Variants in GPC5 observed in about 807,000 individuals in gnomAD.
GPC5 encodes the protein glypican-5.
A neutral mutation model predicts 53.9 loss-of-function variants in GPC5; 47 were observed. That is an observed-to-expected ratio of 0.87 (90% CI 0.69 to 1.11). The LOEUF (loss-of-function observed/expected upper bound fraction) is 1.11. Among genes scored for constraint, GPC5 ranks in the 50% most tolerant of loss-of-function variants. GPC5 has a pLI of 0.00. For missense variants in GPC5, 748 were observed against 713.1 expected (o/e 1.05, Z -0.56); for synonymous variants, 286 against 263.3 (o/e 1.09, Z -0.84).
At chr13:92,571,601 A>C (rs534205758) in intron 7 of GPC5, among the ~76,000 whole-genome samples, 2 of 152,172 alleles carry the variant, frequency 1.3e-5, no homozygotes, top group African/African-American at 4.8e-5. Context: ...TAATATTACA[A>C]AAGTGCCTTT....
chr13:92,404,350 T>C (rs994864512), intron 7 of GPC5, among the ~76,000 whole-genome samples: 1 of 152,122 alleles, frequency 6.6e-6, no homozygotes, highest in African/African-American at 2.4e-5. Flanking sequence ...CTAGAAACAG[T>C]GCCAAGCACA....
chr13:91,434,158 T>C (rs1356222778), intron 1 of GPC5, among the ~76,000 whole-genome samples: 4 of 152,262 alleles, frequency 2.6e-5, no homozygotes, highest in Non-Finnish European at 5.9e-5. Context: ...GGTTGCCTGT[T>C]CAGGCTGATG....
chr13:92,366,410 G>A (rs1190644014), intron 7 of GPC5, among the ~76,000 whole-genome samples: 1 of 151,664 alleles, frequency 6.6e-6, no homozygotes, highest in Non-Finnish European at 1.5e-5. Context: ...TAGCAACTCA[G>A]TACTAGGAGG....
chr13:92,375,557 G>GT (rs1035261051), intron 7 of GPC5, among the ~76,000 whole-genome samples: 2 of 152,120 alleles, frequency 1.3e-5, no homozygotes, highest in African/African-American at 2.4e-5. Context: ...GTTTCTCGCT[G>GT]TATCAATCAT....
chr13:92,743,192 C>T (rs867371714), intron 7 of GPC5, among the ~76,000 whole-genome samples: 5 of 151,958 alleles, frequency 3.3e-5, no homozygotes, highest in South Asian at 4.2e-4. Flanking sequence ...GCCATTTTCA[C>T]GATATTGATT....
At chr13:92,719,872 T>C (rs1485714288) in intron 7 of GPC5, 1 of 152,180 alleles carries the variant, frequency 6.6e-6, no homozygotes, top group Non-Finnish European at 1.5e-5. Context: ...AGCTATAGAT[T>C]AGTGATCAAA....
chr13:91,724,432 C>T (rs1042806460), intron 3 of GPC5, among the ~76,000 whole-genome samples: 2 of 151,940 alleles, frequency 1.3e-5, no homozygotes, highest in African/African-American at 2.4e-5. Context: ...AATAATCACT[C>T]GAACTACCTC....
chr13:92,542,546 T>C (rs1881965451), intron 7 of GPC5, among the ~76,000 whole-genome samples: 2 of 152,102 alleles, frequency 1.3e-5, no homozygotes, highest in African/African-American at 4.8e-5. Context: ...GATTACTTTG[T>C]TTTTCTCGTT....
At chr13:91,583,492 A>C (rs2032447428) in intron 2 of GPC5, among the ~76,000 whole-genome samples, 1 of 152,230 alleles carries the variant, frequency 6.6e-6, no homozygotes, top group Non-Finnish European at 1.5e-5. Flanking sequence ...ATGGCACAAA[A>C]GTATCAAATG....
intron 7 of GPC5, among the ~76,000 whole-genome samples, chr13:92,663,593 A>ATATC (rs1555300499): frequency 1.2e-5 from 1 of 85,408 alleles, no homozygotes; most frequent in Non-Finnish European, 2.9e-5. Context: ...ATATATATAT[A>ATATC]TCTACTATAT....
At chr13:92,081,951 C>A (rs2041299262) in intron 6 of GPC5, among the ~76,000 whole-genome samples, 1 of 152,016 alleles carries the variant, frequency 6.6e-6, no homozygotes, top group Non-Finnish European at 1.5e-5. Flanking sequence ...CATATAAACA[C>A]CAATCCAAGA....
At chr13:92,617,952 A>T (rs1884750414) in intron 7 of GPC5, among the ~76,000 whole-genome samples, 1 of 152,124 alleles carries the variant, frequency 6.6e-6, no homozygotes, top group African/African-American at 2.4e-5. Flanking sequence ...CACCACCCTC[A>T]TTTTTGGCAA....
chr13:92,385,693 CTA>C (rs1342658223), intron 7 of GPC5, among the ~76,000 whole-genome samples: 42 of 134,766 alleles, frequency 3.1e-4, no homozygotes, highest in African/African-American at 1.1e-3. Flanking sequence ...ACATATATAC[CTA>C]TATACACATA....
At chr13:91,766,177 A>G (rs1031185021) in intron 5 of GPC5, among the ~76,000 whole-genome samples, 1 of 152,212 alleles carries the variant, frequency 6.6e-6, no homozygotes, top group Non-Finnish European at 1.5e-5. Flanking sequence ...ATAGTTTACA[A>G]AATCTTTCAA....
intron 7 of GPC5, among the ~76,000 whole-genome samples, chr13:92,540,583 T>C (rs1272195017): frequency 6.6e-6 from 1 of 151,958 alleles, no homozygotes; most frequent in Non-Finnish European, 1.5e-5. Context: ...TTAATTGATT[T>C]GACCAGCTTA....
At chr13:91,458,131 A>G (rs965451744) in intron 2 of GPC5, among the ~76,000 whole-genome samples, 1 of 152,038 alleles carries the variant, frequency 6.6e-6, no homozygotes, top group Non-Finnish European at 1.5e-5. Context: ...AGAGTGAAGG[A>G]GTTAGTCATG....
intron 7 of GPC5, among the ~76,000 whole-genome samples, chr13:92,707,434 G>A (rs539392369): frequency 1.3e-5 from 2 of 151,972 alleles, no homozygotes; most frequent in African/African-American, 4.8e-5. Flanking sequence ...TATTTCCTCT[G>A]CTTGTTGTTT....
chr13:92,606,085 TC>T (rs1267806037), intron 7 of GPC5, among the ~76,000 whole-genome samples: 1 of 152,142 alleles, frequency 6.6e-6, no homozygotes, highest in Admixed American at 6.6e-5. Flanking sequence ...CTTTTATCTT[TC>T]TTTTTTTTAT....
chr13:91,968,193 T>C (rs2040207177), intron 6 of GPC5, among the ~76,000 whole-genome samples: 1 of 152,132 alleles, frequency 6.6e-6, no homozygotes, highest in Non-Finnish European at 1.5e-5. Flanking sequence ...ATAGAAAATC[T>C]TTTCTCATTC....
Sources: gnomAD v4.1 joint callset for allele counts (sites outside exome capture counted in the v4.1 genomes callset) on GRCh38, gnomAD v4.1.1 for gene constraint, MANE v1.5 for transcripts, NCBI Gene and HGNC (gene_info 2026-07-23, HGNC 2026-07-21) for gene names.